The following KIF16B variants were observed in gnomAD, a reference collection of about 807,000 sequenced individuals.
The protein encoded by KIF16B is kinesin-like protein KIF16B.
A neutral mutation model predicts 156.3 loss-of-function variants in KIF16B; 98 were observed. That is an observed-to-expected ratio of 0.63 (90% CI 0.53 to 0.74). The LOEUF (loss-of-function observed/expected upper bound fraction) is 0.74, where lower values mean the gene tolerates loss of function less well. KIF16B is among the 30% of genes least tolerant of loss of function. The pLI is 0.00. For missense variants in KIF16B, 1,421 were observed against 1,606.5 expected (o/e 0.88, Z 1.97); for synonymous variants, 564 against 583.7 (o/e 0.97, Z 0.49).
chr20:16,514,341 C>A (rs897313684), intron 4 of KIF16B, among the ~76,000 whole-genome samples: 1 of 152,054 alleles, frequency 6.6e-6, no homozygotes, highest in Non-Finnish European at 1.5e-5. Flanking sequence ...ACAGCACTTA[C>A]TGACTTCTTG....
At chr20:16,349,133 A>G (rs935082831) in intron 23 of KIF16B, among the ~76,000 whole-genome samples, 2 of 152,176 alleles carry the variant, frequency 1.3e-5, no homozygotes, top group African/African-American at 4.8e-5. Flanking sequence ...TTTGTCTGCC[A>G]TGGCCCCTCG....
intron 1 of KIF16B, among the ~76,000 whole-genome samples, chr20:16,547,252 AC>A (rs749562392): frequency 5.3e-5 from 8 of 152,222 alleles, no homozygotes; most frequent in Non-Finnish European, 4.4e-5. Flanking sequence ...TGACAGAGCC[AC>A]CATGGCCAGA....
intron 17 of KIF16B, among the ~76,000 whole-genome samples, chr20:16,401,163 A>G (rs1282287644): frequency 1.1e-4 from 17 of 152,176 alleles, no homozygotes; most frequent in Admixed American, 1.1e-3. Flanking sequence ...CAGAGAGAAA[A>G]TGTGTACTTG....
intron 9 of KIF16B, among the ~76,000 whole-genome samples, chr20:16,504,926 T>TG (rs1490579435): frequency 1.4e-5 from 2 of 140,910 alleles, no homozygotes; most frequent in Non-Finnish European, 3.2e-5. Context: ...GTCTACTGTC[T>TG]GGAAAAAAAA....
rs1274541504 is a variant in KIF16B at position 16,429,993 on chromosome 20, G to A, written c.1303-11C>T. ...GGCTAGAGTTTGTTCCTGAAATTAA[G>A]AGGAAAAGAAAAAGAAAAGGTTACT... On this transcript the variant is annotated splice_polypyrimidine_tract_variant and intron_variant, in intron 12 of 25. Coordinates refer to ENST00000354981, the MANE Select transcript of KIF16B (RefSeq NM_024704.5). The A allele has an allele frequency of 2.5e-6, 4 of 1,592,718 alleles. No homozygotes were observed. Among genetic ancestry groups the A allele is most frequent in the Admixed American group, 1.8e-5 (1 of 54,522 alleles).
At chr20:16,511,791 G>A (rs1392875682) in intron 5 of KIF16B, among the ~76,000 whole-genome samples, 1 of 152,064 alleles carries the variant, frequency 6.6e-6, no homozygotes, top group Non-Finnish European at 1.5e-5. Context: ...TAATGTTGAC[G>A]AGAAAAAGAA....
intron 12 of KIF16B, among the ~76,000 whole-genome samples, chr20:16,492,810 G>A (rs932299821): frequency 3.3e-5 from 5 of 152,012 alleles, no homozygotes; most frequent in African/African-American, 9.6e-5. Flanking sequence ...AATAGCTAAC[G>A]GTTTGATTTC....
chr20:16,308,997 T>A lies in KIF16B; in HGVS notation c.3795+3338A>T, dbSNP rs541218619. 9.2e-5 allele frequency among the ~76,000 whole-genome samples: 14 copies of A among 152,334 alleles called. No individual in the cohort carries two copies. The South Asian group carries it at 2.7e-3, about 29-fold the overall frequency. ...AGCATGTCACATATGAGGAGTGTTG[T>A]TAGCAGAAGCCTCTGACTGACTGAG... On this transcript the variant is annotated intron_variant, in intron 25 of 25. Transcript: ENST00000354981.
rs564618047 is a variant in KIF16B at position 16,284,012 on chromosome 20, C to T, written c.3796-10601G>A. Among the ~76,000 whole-genome samples the T allele has an allele frequency of 2.3e-4, 35 of 152,300 alleles. No homozygotes were observed. The Middle Eastern group carries it at 0.01, about 44-fold the overall frequency. ...GAAGCCAGCCATCAGATTCCCTTCA[C>T]GCTTCTGCGAAAGTTGTAAGATTCC... On this transcript the variant is annotated intron_variant, in intron 25 of 25. Transcript: ENST00000354981.
chr20:16,425,545 A>G (rs191297392), intron 15 of KIF16B, among the ~76,000 whole-genome samples: 19 of 152,306 alleles, frequency 1.2e-4, no homozygotes, highest in Admixed American at 1.1e-3. Context: ...GTAATATTCC[A>G]TAATGGAATG....
At chr20:16,545,607 G>A (rs1456379242) in intron 1 of KIF16B, among the ~76,000 whole-genome samples, 1 of 152,200 alleles carries the variant, frequency 6.6e-6, no homozygotes, top group Admixed American at 6.5e-5. Context: ...AGAGGTTGTA[G>A]TGAGCCGAGA....
rs1219502385 is a variant in KIF16B at position 16,497,654 on chromosome 20, C to G, written c.1201G>C (p.Ala401Pro). 1.2e-6 allele frequency: 2 copies of G among 1,611,236 alleles called. No individual in the cohort carries two copies. The highest frequency in any genetic ancestry group is 1.7e-6 in the Non-Finnish European group (2 of 1,177,736). ...NQIALLDSPT[A>P]LSMEEKLQQN... ...TGAAGTTTTTCCTCCATACTTAAAGCTGTGGGGGAGTCTAAGAGGGCAATC... is the reference window on the plus strand; with the variant it reads ...TGAAGTTTTTCCTCCATACTTAAAGGTGTGGGGGAGTCTAAGAGGGCAATC... Residue 401 changes from alanine (A) to proline (P), a missense_variant, in exon 11 of 26, where the codon GCT becomes CCT. Transcript: ENST00000354981.
intron 24 of KIF16B, among the ~76,000 whole-genome samples, chr20:16,318,611 T>C (rs112257598): frequency 6.6e-6 from 1 of 151,808 alleles, no homozygotes; most frequent in Admixed American, 6.6e-5. Flanking sequence ...GCTGAGACAA[T>C]TTGAAAAAGA....
intron 1 of KIF16B, among the ~76,000 whole-genome samples, chr20:16,558,160 C>T (rs148487766): frequency 1.3e-5 from 2 of 152,318 alleles, no homozygotes; most frequent in African/African-American, 4.8e-5. Flanking sequence ...GAAAGAACAC[C>T]TCCAGCAGAC....
intron 1 of KIF16B, among the ~76,000 whole-genome samples, chr20:16,530,401 C>G (rs1297483009): frequency 6.6e-6 from 1 of 152,188 alleles, no homozygotes; most frequent in Non-Finnish European, 1.5e-5. Flanking sequence ...TGCTGGCTCT[C>G]TCTTCTGCCC....
At chr20:16,308,113 A>G (rs1270999116) in intron 25 of KIF16B, among the ~76,000 whole-genome samples, 1 of 144,926 alleles carries the variant, frequency 6.9e-6, no homozygotes, top group African/African-American at 2.9e-5. Context: ...TCTCATAAAT[A>G]AACAAAGCTG....
At chr20:16,538,322 C>CATTCA (rs1490816193) in intron 1 of KIF16B, among the ~76,000 whole-genome samples, 3 of 152,176 alleles carry the variant, frequency 2.0e-5, no homozygotes, top group African/African-American at 7.2e-5. Flanking sequence ...TTTCCTCTGA[C>CATTCA]ATTTAAGAAA....
At chr20:16,408,115 C>T (rs1041976948) in intron 15 of KIF16B, among the ~76,000 whole-genome samples, 1 of 152,000 alleles carries the variant, frequency 6.6e-6, no homozygotes, top group Non-Finnish European at 1.5e-5. Flanking sequence ...ATCCACCTGC[C>T]TATTTGATGT....
At chr20:16,504,725 T>C (rs974956686) in intron 9 of KIF16B, among the ~76,000 whole-genome samples, 178 bp from the exon 10 acceptor site, 2 of 152,084 alleles carry the variant, frequency 1.3e-5, no homozygotes, top group African/African-American at 4.8e-5. Flanking sequence ...GTGTTCACAA[T>C]ACAAAATTAA....
Sources: gnomAD v4.1 joint callset for allele counts (sites outside exome capture counted in the v4.1 genomes callset) on GRCh38, gnomAD v4.1.1 for gene constraint, MANE v1.5 for transcripts, NCBI Gene and HGNC (gene_info 2026-07-23, HGNC 2026-07-21) for gene names.